The following FAM227B variants were observed in gnomAD, a reference collection of about 807,000 sequenced individuals.
FAM227B encodes family with sequence similarity 227 member B.
A neutral mutation model predicts 73.8 loss-of-function variants in FAM227B; 88 were observed. The observed-to-expected ratio is 1.19, with a 90% CI of 1.00 to 1.42. The LOEUF is 1.42. Ranked by LOEUF, FAM227B falls within the 40% of genes most tolerant of loss-of-function variation. The pLI is 0.00. For synonymous variants in FAM227B, 210 were observed against 190.5 expected, an observed-to-expected ratio of 1.10 and a Z score of -0.84; for missense variants, 632 against 590.9, an observed-to-expected ratio of 1.07 and a Z score of -0.72.
intron 11 of FAM227B, among the ~76,000 whole-genome samples, chr15:49,439,050 T>TAC (rs1302665933): frequency 6.6e-6 from 1 of 151,744 alleles, no homozygotes; most frequent in African/African-American, 2.4e-5. Flanking sequence ...TAGGGACTCT[T>TAC]ACGAGGTTGC....
At chr15:49,415,475 G>A (rs2049148826) in intron 11 of FAM227B, among the ~76,000 whole-genome samples, 1 of 151,992 alleles carries the variant, frequency 6.6e-6, no homozygotes, top group South Asian at 2.1e-4. Flanking sequence ...AGACAATCTA[G>A]AATGAATTAC....
At chr15:49,465,096 GAAATATT>G (rs745457600) in intron 11 of FAM227B, among the ~76,000 whole-genome samples, 4 of 152,018 alleles carry the variant, frequency 2.6e-5, no homozygotes, top group Non-Finnish European at 4.4e-5. Context: ...GATAACTCAT[GAAATATT>G]AGAAGTAGAA....
chr15:49,534,015 T>C (rs1242933549), intron 10 of FAM227B, among the ~76,000 whole-genome samples: 1 of 151,934 alleles, frequency 6.6e-6, no homozygotes, highest in Non-Finnish European at 1.5e-5. Flanking sequence ...GCTTCCTTTC[T>C]GTCTATCTTT....
chr15:49,412,696 T>C (rs1436881429), intron 11 of FAM227B, among the ~76,000 whole-genome samples: 3 of 152,102 alleles, frequency 2.0e-5, no homozygotes, highest in Non-Finnish European at 1.5e-5. Context: ...GATATGCTGG[T>C]TGTCAGAGAC....
At chr15:49,439,709 TG>T (rs770287286) in intron 11 of FAM227B, among the ~76,000 whole-genome samples, 30 of 151,792 alleles carry the variant, frequency 2.0e-4, no homozygotes, top group Non-Finnish European at 1.5e-5. Flanking sequence ...AGGAGGAACG[TG>T]GCTCTCTTCT....
rs569358164 is a variant in FAM227B at position 49,489,159 on chromosome 15, G to A, written c.1012+19052C>T. 5.8e-4 allele frequency: 317 copies of A among 547,100 alleles called. 7 individuals are homozygous for A. In the South Asian group the frequency reaches 0.022, roughly 39 times the overall value. 33.9% of individuals were successfully genotyped at this position (547,100 alleles called of 1,614,324 possible). ...CTCATGAGGAGGGTATTATACAAGG[G>A]CATACATACCAGAAAGCAGGGATCA... On this transcript the variant is annotated intron_variant, in intron 11 of 15. Coordinates refer to ENST00000299338, the MANE Select transcript of FAM227B (RefSeq NM_152647.3).
intron 11 of FAM227B, among the ~76,000 whole-genome samples, chr15:49,479,848 A>T (rs1313762702): frequency 3.9e-5 from 6 of 152,106 alleles, no homozygotes; most frequent in African/African-American, 1.4e-4. Flanking sequence ...TCCTGACCTC[A>T]GGTGATCCAC....
Position 49,367,615 on chromosome 15 carries a change from G to C in FAM227B, c.1111-7C>G. 1 of 1,539,484 alleles carries C rather than the reference G, an allele frequency of 6.5e-7. No homozygotes were observed. The stretch of plus-strand genomic sequence containing the variant: ...CAGTACTACTATAGTGCGACTGTAA[G>C]AGGAAGAAAATAATCAAGACAACGA... On this transcript the variant is annotated splice_region_variant and splice_polypyrimidine_tract_variant and intron_variant, in intron 12 of 15. Transcript: ENST00000299338.
intron 10 of FAM227B, among the ~76,000 whole-genome samples, chr15:49,524,516 G>A (rs1035856994): frequency 1.3e-5 from 2 of 152,284 alleles, no homozygotes; most frequent in South Asian, 2.1e-4. Flanking sequence ...TCTCTGCTAG[G>A]GCAGTGCAGA....
At chr15:49,459,727 A>G (rs187564607) in intron 11 of FAM227B, among the ~76,000 whole-genome samples, 64 of 152,304 alleles carry the variant, frequency 4.2e-4, no homozygotes, top group Middle Eastern at 6.8e-3. Context: ...AAACCAGGCT[A>G]TAGTTCATGA....
chr15:49,359,376 TCAAA>T (rs1213398730), intron 13 of FAM227B, among the ~76,000 whole-genome samples: 3 of 117,726 alleles, frequency 2.5e-5, no homozygotes, highest in African/African-American at 9.9e-5. Flanking sequence ...TACAATAAAC[TCAAA>T]CAAATTTACA....
In FAM227B at chr15:49,576,678, G is replaced by T. The variant is rs548206078; in HGVS notation, c.546+63C>A. 114 of 938,658 alleles carry T rather than the reference G, an allele frequency of 1.2e-4. No individual in the cohort carries two copies. The African/African-American group carries it at 1.7e-3, about 14-fold the overall frequency. The allele number at this position is 938,658 out of a possible 1,614,324, so 58.1% of individuals were successfully genotyped here. A position where few individuals can be genotyped will look rare whatever the true frequency, so the allele number is the denominator to read the frequency against. On this transcript the variant is annotated intron_variant, in intron 7 of 15. Coordinates refer to ENST00000299338, the MANE Select transcript of FAM227B (RefSeq NM_152647.3). ...CTAATTTATCATAGCTTTAAGTAAA[G>T]GTCTGATTCATTAAATCATACTGTC...
chr15:49,375,495 A>T (rs973324873), intron 11 of FAM227B, among the ~76,000 whole-genome samples: 19 of 136,520 alleles, frequency 1.4e-4, no homozygotes, highest in African/African-American at 5.0e-4. Context: ...TTATTTTTAA[A>T]GCATTTCTAT....
intron 1 of FAM227B, among the ~76,000 whole-genome samples, chr15:49,618,498 A>C (rs563047724): frequency 1.3e-5 from 2 of 152,368 alleles, no homozygotes; most frequent in East Asian, 3.9e-4. Flanking sequence ...AAGTTGTATT[A>C]AAAGTTAATG....
At chr15:49,349,906 A>G (rs1284859722) in intron 13 of FAM227B, among the ~76,000 whole-genome samples, 2 of 152,030 alleles carry the variant, frequency 1.3e-5, no homozygotes, top group Non-Finnish European at 1.5e-5. Context: ...ATGAAAGGGG[A>G]AAAAAAATCC....
chr15:49,546,606 C>T (rs2071930605), intron 9 of FAM227B, among the ~76,000 whole-genome samples: 1 of 152,182 alleles, frequency 6.6e-6, no homozygotes, highest in African/African-American at 2.4e-5. Flanking sequence ...TTCTCCACAT[C>T]TTCTCCAGCA....
chr15:49,424,179 T>G (rs531184431), intron 11 of FAM227B: 160 of 905,916 alleles, frequency 1.8e-4, no homozygotes, highest in Non-Finnish European at 2.7e-4. Flanking sequence ...GAGCAACTAC[T>G]CTTTCTTAAA....
intron 11 of FAM227B, among the ~76,000 whole-genome samples, chr15:49,467,773 C>A (rs1167740559): frequency 6.6e-6 from 1 of 152,084 alleles, no homozygotes; most frequent in South Asian, 2.1e-4. Context: ...AGTATTTCCT[C>A]CTGTCTGATT....
At chr15:49,385,167 T>G (rs796904031) in intron 11 of FAM227B, among the ~76,000 whole-genome samples, 8 of 152,018 alleles carry the variant, frequency 5.3e-5, no homozygotes, top group African/African-American at 1.9e-4. Flanking sequence ...CTCCTATTTA[T>G]TAGGAGAGTG....
Sources: gnomAD v4.1 joint callset for allele counts (sites outside exome capture counted in the v4.1 genomes callset) on GRCh38, gnomAD v4.1.1 for gene constraint, MANE v1.5 for transcripts, NCBI Gene and HGNC (gene_info 2026-07-23, HGNC 2026-07-21) for gene names.